KIR2DL3: variants seen among roughly 807,000 people sequenced by gnomAD.
KIR2DL3 encodes the protein killer cell immunoglobulin like receptor, two Ig domains and long cytoplasmic tail 3, also known as killer cell immunoglobulin-like receptor 2DL3.
A neutral mutation model predicts 33.8 loss-of-function variants in KIR2DL3; 39 were observed. The observed-to-expected ratio is 1.15, with a 90% CI of 0.89 to 1.51. The LOEUF is 1.51. Among genes scored for constraint, KIR2DL3 ranks in the 40% most tolerant of loss-of-function variants. The pLI is 0.00. For missense variants in KIR2DL3, 462 were observed against 426.2 expected, an observed-to-expected ratio of 1.08 and a Z score of -0.74; for synonymous variants, 174 against 160.2, an observed-to-expected ratio of 1.09 and a Z score of -0.65.
intron 3 of KIR2DL3, among the ~76,000 whole-genome samples, chr19:54,743,096 G>T (rs2071490483): frequency 6.6e-6 from 1 of 151,732 alleles, no homozygotes; most frequent in African/African-American, 2.4e-5. Flanking sequence ...GGGATGAATT[G>T]CAGAGATTCC....
rs2365233 is a variant in KIR2DL3, at chr19:54,752,402, T to C, written c.909T>C (p.Tyr303=). ...SDEQDPQEVT[Y]AQLNHCVFTQ... ...AACAAGACCCTCAGGAGGTGACATA[T>C]GCACAGTTGAATCACTGCGTTTTCA... Residue 303 remains tyrosine (Y), a synonymous_variant, in exon 8 of 8, where the codon TAT becomes TAC. Coordinates refer to ENST00000342376, the MANE Select transcript of KIR2DL3 (RefSeq NM_015868.3). 17,305 of 1,428,332 alleles carry C rather than the reference T, an allele frequency of 0.012. 4,504 individuals carry two copies. Among genetic ancestry groups the C allele is most frequent in the South Asian group, 0.019 (1,341 of 72,134 alleles). 88.5% of individuals were successfully genotyped at this position (1,428,332 alleles called of 1,614,324 possible).
chr19:54,740,611 T>A lies in KIR2DL3; in HGVS notation c.70+1069T>A, dbSNP rs9797798. Among the ~76,000 whole-genome samples, 3 of 150,300 alleles carry A rather than the reference T, an allele frequency of 2.0e-5. No homozygotes were observed. In the South Asian group the frequency reaches 6.4e-4, roughly 32 times the overall value. On this transcript the variant is annotated intron_variant, in intron 2 of 7. Transcript: ENST00000342376. The stretch of plus-strand genomic sequence containing the variant: ...CACCTCCTGAATCCCAGAGCTTCTG[T>A]TGGGCATGTCCTTGAGGGTCCCATC...
At chr19:54,738,620 G>A (rs1450075491) in intron 1 of KIR2DL3, 41 bp downstream of exon 1, 1 of 1,613,850 alleles carries the variant, frequency 6.2e-7, no homozygotes. Flanking sequence ...GTGCGGGGAT[G>A]GAGATCGGGG....
Position 54,752,316 on chromosome 19 carries a change from G to A in KIR2DL3, c.873+48G>A. ...TCGTGGCTAGTGTTATTCCCAAAGA[G>A]TCCTGGAAAATGTGAGCACCCTCCC... On this transcript the variant is annotated intron_variant, in intron 7 of 7. Transcript: ENST00000342376. The A allele has an allele frequency of 3.1e-5, 46 of 1,482,846 alleles. 13 individuals are homozygous for A. Among genetic ancestry groups the A allele is most frequent in the Non-Finnish European group, 4.1e-5 (45 of 1,086,350 alleles). 91.9% of individuals were successfully genotyped at this position (1,482,846 alleles called of 1,614,324 possible).
In KIR2DL3 at chr19:54,743,887, T is replaced by C. The variant is rs756206596; in HGVS notation, c.463T>C (p.Tyr155His). Residue 155 changes from tyrosine to histidine, a missense_variant, in exon 4 of 8, where the codon TAT (tyrosine) becomes CAT (histidine). Transcript: ENST00000342376. ...VTLSCSSRSS[Y>H]DMYHLSREGE... Reference sequence around the variant, plus strand: ...CTTGTCCTGCAGCTCCCGGAGCTCCTATGACATGTACCATCTATCCAGGGA... The same window carrying C: ...CTTGTCCTGCAGCTCCCGGAGCTCCCATGACATGTACCATCTATCCAGGGA... 298 of 1,613,896 alleles carry C rather than the reference T, an allele frequency of 1.8e-4. No individual in the cohort carries two copies. The highest frequency in any genetic ancestry group is 2.4e-4 in the Non-Finnish European group (279 of 1,179,986).
At chr19:54,751,448 A>G (rs1259144791) in intron 5 of KIR2DL3, among the ~76,000 whole-genome samples, 3 of 133,342 alleles carry the variant, frequency 2.2e-5, no homozygotes, top group Non-Finnish European at 3.3e-5. Context: ...TCTCAACTAA[A>G]GTAGTTGTAT....
chr19:54,740,987 T>TCAG lies in KIR2DL3; in HGVS notation c.71-993_71-992insCAG, dbSNP rs1360212849. On this transcript the variant is annotated intron_variant, in intron 2 of 7. Coordinates refer to ENST00000342376, the MANE Select transcript of KIR2DL3 (RefSeq NM_015868.3). Reference sequence around the variant, plus strand: ...GAGGCTGGAAAAGTCAAGGAACTGATTCTCCAGAGTCTCCAGAGGGAACAA... The same window carrying TCAG: ...GAGGCTGGAAAAGTCAAGGAACTGATCAGTCTCCAGAGTCTCCAGAGGGAACAA... Among the ~76,000 whole-genome samples, 6 of 151,622 alleles carry TCAG rather than the reference T, an allele frequency of 4.0e-5. 1 individual carries two copies. Among genetic ancestry groups the TCAG allele is most frequent in the Admixed American group, 1.3e-4 (2 of 15,188 alleles).
At position 54,739,109 on chromosome 19, in the gene KIR2DL3, G is replaced by A. The variant is rs374814960; in HGVS notation, c.35-398G>A. ...AGTGGAGATATGGGCCTAGGAAGGAGATATGGGCCTGGGTGTGGAGATATG... is the reference window on the plus strand; with the variant it reads ...AGTGGAGATATGGGCCTAGGAAGGAAATATGGGCCTGGGTGTGGAGATATG... On this transcript the variant is annotated intron_variant, in intron 1 of 7. Transcript: ENST00000342376. Among the ~76,000 whole-genome samples, 10 of 150,574 alleles carry A rather than the reference G, an allele frequency of 6.6e-5. No individual in the cohort carries two copies. In the East Asian group the frequency reaches 1.0e-3, roughly 15 times the overall value.
intron 5 of KIR2DL3, 33 bp from the exon 6 acceptor site, chr19:54,751,616 T>C: frequency 1.4e-6 from 2 of 1,443,246 alleles, no homozygotes; most frequent in Non-Finnish European, 1.9e-6. Flanking sequence ...ACTGCTATGA[T>C]TAGCTTCTTA....
chr19:54,739,702 C>T (rs2070646821), intron 2 of KIR2DL3, among the ~76,000 whole-genome samples, 160 bp downstream of exon 2: 1 of 149,802 alleles, frequency 6.7e-6, no homozygotes, highest in South Asian at 2.1e-4. Context: ...GCCTCTCAAC[C>T]CCTTGGCAGA....
At position 54,751,630 on chromosome 19, in the gene KIR2DL3, G is replaced by T. The variant is rs534274542; in HGVS notation, c.716-19G>T. On this transcript the variant is annotated intron_variant, in intron 5 of 7. Coordinates refer to ENST00000342376, the MANE Select transcript of KIR2DL3 (RefSeq NM_015868.3). ...AACTGCTATGATTAGCTTCTTATTG[G>T]TGTCTCCTCTTCTTCCAGGTAACCC... The T allele has an allele frequency of 2.0e-6, 3 of 1,469,822 alleles. No individual in the cohort carries two copies. The highest frequency in any genetic ancestry group is 4.5e-5 in the East Asian group (2 of 44,202). 91.0% of individuals were successfully genotyped at this position (1,469,822 alleles called of 1,614,324 possible).
rs141490371 is a variant in KIR2DL3, at chr19:54,752,255, C to G, written c.860C>G (p.Thr287Arg). Residue 287 changes from threonine to arginine, a missense_variant, in exon 7 of 8, where the codon ACA (threonine) becomes AGA (arginine). Thr to Arg is a moderately conservative substitution (Grantham distance 71, BLOSUM62 -1). Coordinates refer to ENST00000342376, the MANE Select transcript of KIR2DL3 (RefSeq NM_015868.3). ...GACCAAGAGCCTGCAGGGAACAGAA[C>G]AGTGAACAGGGAGGTAGGTGCTCCT... ...VMDQEPAGNR[T>R]VNREDSDEQD... 40 of 1,358,894 alleles carry G rather than the reference C, an allele frequency of 2.9e-5. 6 individuals are homozygous for G. The highest frequency in any genetic ancestry group is 1.5e-4 in the South Asian group (9 of 61,532). 84.2% of individuals were successfully genotyped at this position (1,358,894 alleles called of 1,614,324 possible).
At chr19:54,739,167 G>C (rs1197120693) in intron 1 of KIR2DL3, among the ~76,000 whole-genome samples, 1 of 151,074 alleles carries the variant, frequency 6.6e-6, no homozygotes, top group East Asian at 2.0e-4. Flanking sequence ...CTGGAGTGGA[G>C]ATATGGGCTT....
intron 5 of KIR2DL3, among the ~76,000 whole-genome samples, chr19:54,747,867 C>G (rs1223417961): frequency 1.3e-5 from 2 of 152,236 alleles, no homozygotes; most frequent in African/African-American, 4.8e-5. Flanking sequence ...CACTTCGACT[C>G]ACTGACTCAT....
chr19:54,744,073 C>T lies in KIR2DL3; in HGVS notation c.649C>T (p.Leu217Phe). 3.1e-6 allele frequency: 5 copies of T among 1,614,248 alleles called. No individual in the cohort carries two copies. The highest frequency in any genetic ancestry group is 4.2e-6 in the Non-Finnish European group (5 of 1,180,048). The change falls in exon 4 of 8, where the codon CTT (leucine) becomes TTT (phenylalanine). Residue 217 changes from leucine to phenylalanine, a missense_variant. Leu to Phe is a conservative substitution (Grantham distance 22). Transcript: ENST00000342376. ...GTGGTCAAACTCGAGTGACCCACTG[C>T]TTGTTTCTGTCACAGGTGAGGAAAC... ...YEWSNSSDPL[L>F]VSVTGNPSNS...
rs953911287 is a variant in KIR2DL3 at position 54,751,320 on chromosome 19, T to G, written c.716-329T>G. ...GGGGAACTTGCTAACCCCGTCTCCT[T>G]GGGACAGCATTGGTCTGTTCATGAT... is the stretch of plus-strand genomic sequence containing the variant. On this transcript the variant is annotated intron_variant, in intron 5 of 7. Coordinates refer to ENST00000342376, the MANE Select transcript of KIR2DL3 (RefSeq NM_015868.3). 7.6e-5 allele frequency among the ~76,000 whole-genome samples: 10 copies of G among 131,798 alleles called. 2 individuals are homozygous for G. Among genetic ancestry groups the G allele is most frequent in the Non-Finnish European group, 1.5e-4 (9 of 60,402 alleles). The allele number at this position is 131,798 out of a possible 152,430, so 86.5% of individuals were successfully genotyped here.
chr19:54,746,606 C>A (rs2072527109), intron 4 of KIR2DL3, among the ~76,000 whole-genome samples: 1 of 148,444 alleles, frequency 6.7e-6, no homozygotes, highest in Non-Finnish European at 1.5e-5. Context: ...CATTCCTCTG[C>A]ATGTAGATGT....
intron 1 of KIR2DL3, 151 bp from the exon 2 acceptor site, chr19:54,739,356 A>T (rs1288940676): frequency 1.9e-5 from 25 of 1,321,408 alleles, no homozygotes; most frequent in Non-Finnish European, 2.4e-5. Context: ...CACAGCCGAC[A>T]GCCCTGTTCT....
Position 54,742,284 on chromosome 19 carries a change from G to A in KIR2DL3, c.370+5G>A. 6.2e-7 allele frequency: 1 copy of A among 1,612,872 alleles called. No individual in the cohort carries two copies. Among genetic ancestry groups the A allele is most frequent in the Middle Eastern group, 1.7e-4 (1 of 6,058 alleles). On this transcript the variant is annotated splice_donor_5th_base_variant and intron_variant, in intron 3 of 7. Coordinates refer to ENST00000342376, the MANE Select transcript of KIR2DL3 (RefSeq NM_015868.3). ...CTCTGGACATCGTCATCACAGGTGAGAGTGTCCGGACATTCTCATTGTCAT... is the reference window on the plus strand; with the variant it reads ...CTCTGGACATCGTCATCACAGGTGAAAGTGTCCGGACATTCTCATTGTCAT...
Sources: gnomAD v4.1 joint callset for allele counts (sites outside exome capture counted in the v4.1 genomes callset) on GRCh38, gnomAD v4.1.1 for gene constraint, MANE v1.5 for transcripts, NCBI Gene and HGNC (gene_info 2026-07-23, HGNC 2026-07-21) for gene names.